ACACB: variants seen among roughly 807,000 people sequenced by gnomAD.
ACACB encodes acetyl-CoA carboxylase beta, also known as acetyl-CoA carboxylase 2.
In ACACB, 209 loss-of-function variants were observed where a neutral mutation model predicts 278.8. The ratio of observed to expected loss-of-function variants is 0.75; its 90% CI spans 0.67 to 0.84. ACACB has a LOEUF of 0.84. ACACB is among the 40% of genes least tolerant of loss of function. ACACB has a pLI of 0.00. For synonymous variants in ACACB, 1,174 were observed against 1,285.6 expected (o/e 0.91, Z 1.86); for missense variants, 2,850 against 3,269.0 (o/e 0.87, Z 3.13).
chr12:109,199,683 C>T, intron 18 of ACACB, 131 bp downstream of exon 18: 1 of 1,012,728 alleles, frequency 9.9e-7, no homozygotes, highest in Non-Finnish European at 1.3e-6. Flanking sequence ...GGGAATCAGT[C>T]TGTGGATTTC....
At chr12:109,232,570 A>G in intron 28 of ACACB, 99 bp from the exon 29 acceptor site, 2 of 1,450,886 alleles carry the variant, frequency 1.4e-6, no homozygotes, top group Non-Finnish European at 1.9e-6. Context: ...GAAGAGCTCT[A>G]AATCTGGTCC....
intron 7 of ACACB, among the ~76,000 whole-genome samples, chr12:109,175,222 G>T (rs368213288): frequency 1.3e-5 from 2 of 150,064 alleles, no homozygotes; most frequent in African/African-American, 4.9e-5. Flanking sequence ...TATTAAATTT[G>T]TTTTTTTTTC....
intron 2 of ACACB, among the ~76,000 whole-genome samples, chr12:109,165,876 T>C (rs182091839): frequency 6.6e-6 from 1 of 152,324 alleles, no homozygotes; most frequent in East Asian, 1.9e-4. Flanking sequence ...TGTTTAGGAC[T>C]ATGGAGATGT....
chr12:109,233,376 A>G (rs61226647), intron 29 of ACACB, among the ~76,000 whole-genome samples: 8,408 of 152,256 alleles, frequency 0.055, 254 homozygotes, highest in Non-Finnish European at 0.074. Context: ...CTCATGAGGC[A>G]TAGGGATTAC....
In ACACB at chr12:109,233,988, A is replaced by T; in HGVS notation, c.4290A>T (p.Ala1430=). The T allele has an allele frequency of 1.2e-6, 2 of 1,614,150 alleles. No homozygotes were observed. Among genetic ancestry groups the T allele is most frequent in the Non-Finnish European group, 1.7e-6 (2 of 1,180,024 alleles). Residue 1430 remains alanine, a synonymous_variant, in exon 31 of 53, where the codon GCA becomes GCT. Transcript: ENST00000338432. ...IHILNVSIQC[A]DHLEDEALVP... ...TTCTGAATGTGTCCATCCAGTGTGC[A>T]GACCACCTGGAGGATGAGGCACTGG...
At chr12:109,181,761 G>C (rs1040806929) in intron 11 of ACACB, among the ~76,000 whole-genome samples, 6 of 150,740 alleles carry the variant, frequency 4.0e-5, no homozygotes, top group Non-Finnish European at 8.8e-5. Context: ...CTAATTTTCA[G>C]TCCTACCAAC....
chr12:109,213,764 A>AT, intron 22 of ACACB, among the ~76,000 whole-genome samples: 1 of 151,824 alleles, frequency 6.6e-6, no homozygotes. Context: ...CGCCCGGCTA[A>AT]TTTTTTTGTG....
At chr12:109,176,065 AG>A (rs1163843870) in intron 8 of ACACB, 25 bp downstream of exon 8, 5 of 1,612,888 alleles carry the variant, frequency 3.1e-6, no homozygotes, top group Non-Finnish European at 4.2e-6. Context: ...TGTGGGGGCC[AG>A]GGGAGCCAGA....
chr12:109,212,813 A>G (rs937180681), intron 21 of ACACB, 23 bp from the exon 22 acceptor site: 16 of 1,602,316 alleles, frequency 1.0e-5, no homozygotes, highest in Non-Finnish European at 1.4e-5. Flanking sequence ...CAGCAGTCAG[A>G]CCTGTCTTGT....
chr12:109,171,751 C>A, intron 4 of ACACB, 54 bp from the exon 5 acceptor site: 1 of 1,338,816 alleles, frequency 7.5e-7, no homozygotes, highest in Non-Finnish European at 1.1e-6. Flanking sequence ...AATGTTCTGC[C>A]ATTGATGTCA....
intron 19 of ACACB, among the ~76,000 whole-genome samples, chr12:109,206,441 A>C (rs1593557090): frequency 6.6e-6 from 1 of 151,598 alleles, no homozygotes; most frequent in Non-Finnish European, 1.5e-5. Flanking sequence ...AAAAAAAAAA[A>C]AAACAGATCT....
chr12:109,229,262 G>C (rs756483483), intron 28 of ACACB, among the ~76,000 whole-genome samples: 6 of 152,028 alleles, frequency 3.9e-5, no homozygotes, highest in Non-Finnish European at 8.8e-5. Context: ...ATTTTATTCA[G>C]CTCTTATCCT....
At chr12:109,121,961 G>T (rs1250063802) in intron 1 of ACACB, among the ~76,000 whole-genome samples, 1 of 152,226 alleles carries the variant, frequency 6.6e-6, no homozygotes, top group Non-Finnish European at 1.5e-5. Context: ...GAGTATCAGG[G>T]TGGGTTTGAG....
chr12:109,243,226 G>A (rs2046848519), intron 37 of ACACB, among the ~76,000 whole-genome samples: 1 of 152,100 alleles, frequency 6.6e-6, no homozygotes, highest in Admixed American at 6.5e-5. Context: ...CTACTTACCA[G>A]GCACCATTCG....
chr12:109,129,836 G>A (rs1393597407), intron 1 of ACACB, among the ~76,000 whole-genome samples: 1 of 152,234 alleles, frequency 6.6e-6, no homozygotes, highest in Non-Finnish European at 1.5e-5. Flanking sequence ...GACAGGTGCT[G>A]TGAACCAAAT....
At position 109,239,105 on chromosome 12, in the gene ACACB, C is replaced by T. The variant is rs911732791; in HGVS notation, c.4663-725C>T. On this transcript the variant is annotated intron_variant, in intron 34 of 52. Coordinates refer to ENST00000338432, the MANE Select transcript of ACACB (RefSeq NM_001093.4). ...CTAATTTTTGTATTTTTAGTAGAGA[C>T]GGAGTTTCACCATGTTGGCCAGGCT... 4.6e-5 allele frequency among the ~76,000 whole-genome samples: 7 copies of T among 150,860 alleles called. No homozygotes were observed. In the South Asian group the frequency reaches 6.3e-4, roughly 14 times the overall value.
intron 11 of ACACB, among the ~76,000 whole-genome samples, chr12:109,182,041 C>T (rs966608981): frequency 2.0e-5 from 3 of 151,902 alleles, no homozygotes; most frequent in African/African-American, 7.3e-5. Context: ...GATGGGGTTT[C>T]ACCGTGTTAG....
At chr12:109,165,353 T>G (rs1185550060) in intron 2 of ACACB, among the ~76,000 whole-genome samples, 1 of 151,982 alleles carries the variant, frequency 6.6e-6, no homozygotes, top group African/African-American at 2.4e-5. Flanking sequence ...GATCAATTAT[T>G]TATTATTATT....
In ACACB at chr12:109,158,929, C is replaced by G. The variant is rs558287832; in HGVS notation, c.654-7932C>G. 6.6e-5 allele frequency among the ~76,000 whole-genome samples: 10 copies of G among 152,316 alleles called. No individual in the cohort carries two copies. In the East Asian group the frequency reaches 1.9e-3, roughly 29 times the overall value. Reference sequence around the variant, plus strand: ...GGTGGAGGTAGCAGTGAGCTGAGATCACACCGCTGCACTCCAGCCTGGGCG... The same window carrying G: ...GGTGGAGGTAGCAGTGAGCTGAGATGACACCGCTGCACTCCAGCCTGGGCG... On this transcript the variant is annotated intron_variant, in intron 2 of 52. Coordinates refer to ENST00000338432, the MANE Select transcript of ACACB (RefSeq NM_001093.4).
Sources: gnomAD v4.1 joint callset for allele counts (sites outside exome capture counted in the v4.1 genomes callset) on GRCh38, gnomAD v4.1.1 for gene constraint, MANE v1.5 for transcripts, NCBI Gene and HGNC (gene_info 2026-07-23, HGNC 2026-07-21) for gene names.